EHMT1: variants seen among roughly 807,000 people sequenced by gnomAD.
EHMT1 encodes histone-lysine N-methyltransferase EHMT1.
Under a neutral mutation model 147.2 loss-of-function variants are expected in EHMT1, and 15 were observed. That is an observed-to-expected ratio of 0.10 (90% confidence interval 0.07 to 0.16). The LOEUF (loss-of-function observed/expected upper bound fraction) is 0.16, where lower values mean the gene tolerates loss of function less well. Ranked by LOEUF, EHMT1 falls within the 10% of genes least tolerant of loss-of-function variation. The pLI, the probability that EHMT1 is intolerant of heterozygous loss-of-function variation, is 1.00. For synonymous variants in EHMT1, 795 were observed against 709.6 expected (o/e 1.12, Z -1.91); for missense variants, 1,587 against 1,772.4 (o/e 0.90, Z 1.88).
intron 1 of EHMT1, among the ~76,000 whole-genome samples, chr9:137,654,262 G>C (rs1393241840): frequency 3.3e-5 from 5 of 152,044 alleles, no homozygotes; most frequent in Non-Finnish European, 7.4e-5. Flanking sequence ...TGTTCAAGAG[G>C]CTGAGGCAGA....
intron 6 of EHMT1, among the ~76,000 whole-genome samples, chr9:137,744,984 A>G (rs1241854126): frequency 2.6e-5 from 4 of 152,252 alleles, no homozygotes; most frequent in Non-Finnish European, 5.9e-5. Flanking sequence ...GACGCATTTC[A>G]TAAGGACGAA....
At chr9:137,816,441 TCTCTGGGC>T in intron 23 of EHMT1, 1 of 346,892 alleles carries the variant, frequency 2.9e-6, no homozygotes, top group South Asian at 2.3e-5. Context: ...TATTCTCTGT[TCTCTGGGC>T]TTCCCTAACA....
In EHMT1 at chr9:137,731,102, C is replaced by T. The variant is rs1024210478; in HGVS notation, c.823+2573C>T. Among the ~76,000 whole-genome samples the T allele has an allele frequency of 6.6e-6, 1 of 152,218 alleles. No individual in the cohort carries two copies. Among genetic ancestry groups the T allele is most frequent in the Non-Finnish European group, 1.5e-5 (1 of 68,042 alleles). On this transcript the variant is annotated intron_variant, in intron 4 of 26. Transcript: ENST00000460843. This position sits in a 1 kb window ranked among gnomAD's most constrained non-coding sequence, Gnocchi z 4.3. ...TTAAAAAGAGCTTTCTAAAAACAAA[C>T]TACCCAGCGTGTTTAGCAGGCTCCA... is the stretch of plus-strand genomic sequence containing the variant.
intron 25 of EHMT1, 51 bp from the exon 26 acceptor site, chr9:137,834,298 G>T (rs1229666936): frequency 6.2e-7 from 1 of 1,607,474 alleles, no homozygotes; most frequent in Admixed American, 1.7e-5. Flanking sequence ...GGCGAGGCCG[G>T]CGTGTCGGGG....
intron 1 of EHMT1, among the ~76,000 whole-genome samples, chr9:137,660,828 C>T (rs895179596): frequency 6.6e-6 from 1 of 152,162 alleles, no homozygotes; most frequent in African/African-American, 2.4e-5. Flanking sequence ...GTGATGGCTT[C>T]TCTTTAATTA....
chr9:137,703,702 C>G (rs1365142624), intron 1 of EHMT1, among the ~76,000 whole-genome samples: 1 of 152,092 alleles, frequency 6.6e-6, no homozygotes, highest in Non-Finnish European at 1.5e-5. Flanking sequence ...GCATTTTGGT[C>G]AAAACCATTC....
At position 137,716,936 on chromosome 9, in the gene EHMT1, A is replaced by G. The variant is rs752954008; in HGVS notation, c.396A>G (p.Leu132=). ...GATACATCTTAAATAAGCCGGCCCT[A>G]CAGGCACAGCCCTTGAGGACTACCA... is the stretch of plus-strand genomic sequence containing the variant. ...SNGYILNKPA[L]QAQPLRTTST... The change falls in exon 3 of 27, where the codon CTA becomes CTG. Residue 132 remains leucine (L), a synonymous_variant. Transcript: ENST00000460843. 1.2e-6 allele frequency: 2 copies of G among 1,612,946 alleles called. No homozygotes were observed. Among genetic ancestry groups the G allele is most frequent in the Non-Finnish European group, 1.7e-6 (2 of 1,179,850 alleles).
In EHMT1 at chr9:137,748,857, T is replaced by A. The variant is rs186867926; in HGVS notation, c.1171-3474T>A. On this transcript the variant is annotated intron_variant, in intron 6 of 26. Coordinates refer to ENST00000460843, the MANE Select transcript of EHMT1 (RefSeq NM_024757.5). The stretch of plus-strand genomic sequence containing the variant: ...CTGGAAACAAGCCCTTGTTGTGTAG[T>A]CGACATGATTCCTTCTTCTGCATGT... Among the ~76,000 whole-genome samples the A allele has an allele frequency of 1.1e-3, 171 of 152,274 alleles. 1 individual carries two copies. The highest frequency in any genetic ancestry group is 3.9e-3 in the African/African-American group (164 of 41,546).
At chr9:137,717,485 C>T (rs780136647) in intron 3 of EHMT1, among the ~76,000 whole-genome samples, 25 of 151,428 alleles carry the variant, frequency 1.7e-4, no homozygotes, top group Non-Finnish European at 2.6e-4. Flanking sequence ...TGGTGCGTAC[C>T]TGTAGTCCCA....
intron 6 of EHMT1, 115 bp from the exon 7 acceptor site, chr9:137,752,216 G>A (rs762667485): frequency 4.7e-5 from 59 of 1,267,966 alleles, no homozygotes; most frequent in Non-Finnish European, 6.1e-5. Flanking sequence ...CGTCTCCGGC[G>A]TGTGCGGCCA....
chr9:137,819,673 G>A (rs1260327666), intron 25 of EHMT1, among the ~76,000 whole-genome samples: 2 of 150,190 alleles, frequency 1.3e-5, no homozygotes, highest in Non-Finnish European at 3.0e-5. Flanking sequence ...GCCGTGTGCC[G>A]AGACTGTAAA....
intron 6 of EHMT1, chr9:137,747,415 C>T (rs1213621822): frequency 6.6e-6 from 1 of 152,214 alleles, no homozygotes; most frequent in African/African-American, 2.4e-5. Context: ...GCCTCGGCCT[C>T]CCAAAGTGTT....
chr9:137,784,208 A>G (rs1223619688), intron 15 of EHMT1: 2 of 1,549,796 alleles, frequency 1.3e-6, no homozygotes, highest in Admixed American at 2.0e-5. Flanking sequence ...GCCAAGAGGA[A>G]GATGCTCCAG....
intron 7 of EHMT1, 66 bp from the exon 8 acceptor site, chr9:137,754,105 A>G (rs1451129336): frequency 3.1e-6 from 5 of 1,611,142 alleles, no homozygotes; most frequent in Non-Finnish European, 4.2e-6. Flanking sequence ...AAACACTTGT[A>G]GTGCTCTTGC....
chr9:137,758,058 G>GTCTTCTGGGCTCCTTCC (rs747855387), intron 9 of EHMT1, 47 bp downstream of exon 9: 1 of 1,613,306 alleles, frequency 6.2e-7, no homozygotes, highest in Non-Finnish European at 8.5e-7. Flanking sequence ...TTGGTCCTTT[G>GTCTTCTGGGCTCCTTCC]TCTTCTGGGC....
rs985262488 is a variant in EHMT1, at chr9:137,776,981, C to T, written c.2018+137C>T. On this transcript the variant is annotated intron_variant, in intron 12 of 26. Transcript: ENST00000460843. The surrounding 1 kb of genome is among the most constrained non-coding windows in gnomAD (Gnocchi z 4.4). Reference sequence around the variant, plus strand: ...TGCTGATGCTTATGGTGATTTCTGACATTTAAGACTCTGAAATTCATTTAT... The same window carrying T: ...TGCTGATGCTTATGGTGATTTCTGATATTTAAGACTCTGAAATTCATTTAT... The T allele has an allele frequency of 2.5e-6, 2 of 804,488 alleles. No homozygotes were observed. Among genetic ancestry groups the T allele is most frequent in the Non-Finnish European group, 3.9e-6 (2 of 506,880 alleles). The allele number at this position is 804,488 out of a possible 1,614,324, so 49.8% of individuals were successfully genotyped here. A position where few individuals can be genotyped will look rare whatever the true frequency, so the allele number is the denominator to read the frequency against.
chr9:137,643,778 CTCTG>C (rs1183794748), intron 1 of EHMT1, among the ~76,000 whole-genome samples: 3 of 152,138 alleles, frequency 2.0e-5, no homozygotes, highest in Non-Finnish European at 4.4e-5. Flanking sequence ...TTTTGAGAGT[CTCTG>C]TCTGTGGTTT....
At chr9:137,814,881 C>T (rs56197890) in intron 22 of EHMT1, 8 of 405,180 alleles carry the variant, frequency 2.0e-5, no homozygotes, top group South Asian at 8.9e-5. Flanking sequence ...AGGGTGCTGC[C>T]GGGCTGGGTA....
chr9:137,694,058 A>C (rs1478735054), intron 1 of EHMT1, among the ~76,000 whole-genome samples: 1 of 77,934 alleles, frequency 1.3e-5, no homozygotes, highest in African/African-American at 5.4e-5. Flanking sequence ...CCCCCCACAC[A>C]GTGGCTCAGG....
Sources: gnomAD v4.1 joint callset for allele counts (sites outside exome capture counted in the v4.1 genomes callset) on GRCh38, gnomAD v4.1.1 for gene constraint, Gnocchi (gnomAD v3.1) non-coding constraint, MANE v1.5 for transcripts, NCBI Gene and HGNC (gene_info 2026-07-23, HGNC 2026-07-21) for gene names.